UNC5D: variants seen among roughly 807,000 people sequenced by gnomAD.
UNC5D encodes the protein netrin receptor UNC5D.
A neutral mutation model predicts 105.4 loss-of-function variants in UNC5D; 39 were observed. The observed-to-expected ratio is 0.37, with a 90% CI of 0.29 to 0.48. The LOEUF (loss-of-function observed/expected upper bound fraction) is 0.48, where lower values mean the gene tolerates loss of function less well. Ranked by LOEUF, UNC5D falls within the 20% of genes least tolerant of loss-of-function variation. UNC5D has a pLI of 0.98. For synonymous variants in UNC5D, 452 were observed against 450.4 expected, an observed-to-expected ratio of 1.00 and a Z score of -0.04; for missense variants, 991 against 1,202.4, an observed-to-expected ratio of 0.82 and a Z score of 2.60.
intron 1 of UNC5D, among the ~76,000 whole-genome samples, chr8:35,388,682 C>T (rs1295187582): frequency 6.6e-6 from 1 of 152,154 alleles, no homozygotes; most frequent in South Asian, 2.1e-4. Flanking sequence ...TCAAACATAA[C>T]TTCTGTGTAA....
In UNC5D at chr8:35,629,702, A is replaced by G. The variant is rs80169154; in HGVS notation, c.570+34045A>G. ...ATCCCCCAAATCTATAATTTAAAAAACATAGATGAATTCCTAAGTCATTCT... is the reference window on the plus strand; with the variant it reads ...ATCCCCCAAATCTATAATTTAAAAAGCATAGATGAATTCCTAAGTCATTCT... On this transcript the variant is annotated intron_variant, in intron 4 of 16. Coordinates refer to ENST00000404895, the MANE Select transcript of UNC5D (RefSeq NM_080872.4). Among the ~76,000 whole-genome samples the G allele has an allele frequency of 7.9e-3, 1,211 of 152,346 alleles. 9 individuals carry two copies. Among genetic ancestry groups the G allele is most frequent in the Non-Finnish European group, 0.012 (821 of 68,028 alleles).
At chr8:35,685,538 G>C (rs1015556824) in intron 6 of UNC5D, among the ~76,000 whole-genome samples, 1 of 152,218 alleles carries the variant, frequency 6.6e-6, no homozygotes, top group Admixed American at 6.5e-5. Flanking sequence ...AGTTGCAATC[G>C]AAGTTAAGGT....
Position 35,493,059 on chromosome 8 carries a change from T to C in UNC5D, c.104-56233T>C, listed in dbSNP as rs576720918. On this transcript the variant is annotated intron_variant, in intron 1 of 16. Transcript: ENST00000404895. Reference sequence around the variant, plus strand: ...GTTTTCCTCAGTTCGACAAGGAAACTTGCAGAGAGAGTGCTTTGGGAGGAG... The same window carrying C: ...GTTTTCCTCAGTTCGACAAGGAAACCTGCAGAGAGAGTGCTTTGGGAGGAG... 6.6e-5 allele frequency among the ~76,000 whole-genome samples: 10 copies of C among 152,128 alleles called. No individual in the cohort carries two copies. In the South Asian group the frequency reaches 1.9e-3, roughly 28 times the overall value.
intron 1 of UNC5D, among the ~76,000 whole-genome samples, chr8:35,238,469 T>G (rs1563240720): frequency 6.6e-6 from 1 of 152,262 alleles, no homozygotes. Flanking sequence ...GAAGGCACTC[T>G]GGTGCCATGA....
intron 1 of UNC5D, among the ~76,000 whole-genome samples, chr8:35,529,849 CTGT>C (rs1158742340): frequency 2.7e-5 from 4 of 148,304 alleles, no homozygotes; most frequent in African/African-American, 1.0e-4. Context: ...GGCTGTTTGT[CTGT>C]TGTTGGTGTA....
intron 1 of UNC5D, among the ~76,000 whole-genome samples, chr8:35,527,514 G>A (rs1364042341): frequency 6.6e-6 from 1 of 152,036 alleles, no homozygotes; most frequent in Admixed American, 6.6e-5. Context: ...ATTAGGGAGA[G>A]CAGAATGAAA....
intron 4 of UNC5D, among the ~76,000 whole-genome samples, chr8:35,641,875 TG>T (rs1200141368): frequency 3.3e-5 from 5 of 152,192 alleles, no homozygotes; most frequent in Non-Finnish European, 7.3e-5. Flanking sequence ...TAAAAAGGGC[TG>T]GCACAATTAT....
chr8:35,512,465 C>CATATATATATATAT (rs780945660), intron 1 of UNC5D, among the ~76,000 whole-genome samples: 1 of 20,114 alleles, frequency 5.0e-5, no homozygotes, highest in Non-Finnish European at 8.7e-5. Flanking sequence ...AATAGTGAGC[C>CATATATATATATAT]ATATATATAT....
chr8:35,686,157 T>A (rs1386516556), intron 6 of UNC5D, among the ~76,000 whole-genome samples: 1 of 152,200 alleles, frequency 6.6e-6, no homozygotes, highest in Non-Finnish European at 1.5e-5. Flanking sequence ...TGTTCTAAAC[T>A]GTCAACCACT....
In UNC5D at chr8:35,473,291, A is replaced by G. The variant is rs114420600; in HGVS notation, c.104-76001A>G. 4.6e-3 allele frequency among the ~76,000 whole-genome samples: 700 copies of G among 152,266 alleles called. 8 individuals are homozygous for G. Among genetic ancestry groups the G allele is most frequent in the African/African-American group, 0.016 (671 of 41,568 alleles). On this transcript the variant is annotated intron_variant, in intron 1 of 16. Coordinates refer to ENST00000404895, the MANE Select transcript of UNC5D (RefSeq NM_080872.4). ...AGAAAAGAGACAGTTAAAAAAGGCT[A>G]TTGCAAATTAGCGAACTCAGATTTA...
intron 4 of UNC5D, among the ~76,000 whole-genome samples, chr8:35,625,884 C>G (rs1391913147): frequency 2.0e-5 from 3 of 152,040 alleles, no homozygotes; most frequent in Non-Finnish European, 4.4e-5. Flanking sequence ...ATCTAAAAAC[C>G]CTGTTGAAAG....
rs1226843956 is a variant in UNC5D at position 35,792,393 on chromosome 8, C to T, written c.*1830C>T. On this transcript the variant is annotated 3_prime_UTR_variant, in exon 17 of 17. Transcript: ENST00000404895. ...TTTGCTACATGTAATTCAAAAGCATCTCGCTTTTCTCAGGAACCAAAGGCT... is the reference window on the plus strand; with the variant it reads ...TTTGCTACATGTAATTCAAAAGCATTTCGCTTTTCTCAGGAACCAAAGGCT... The T allele has an allele frequency of 6.6e-6, 1 of 152,310 alleles. No individual in the cohort carries two copies. Among genetic ancestry groups the T allele is most frequent in the Non-Finnish European group, 1.5e-5 (1 of 68,200 alleles). 9.4% of individuals were successfully genotyped at this position (152,310 alleles called of 1,614,324 possible).
intron 1 of UNC5D, among the ~76,000 whole-genome samples, chr8:35,475,975 G>T (rs1384677754): frequency 6.6e-6 from 1 of 152,148 alleles, no homozygotes; most frequent in East Asian, 1.9e-4. Context: ...GAAATAAACA[G>T]TGAAGTTACT....
At chr8:35,552,180 C>A (rs1816206937) in intron 2 of UNC5D, among the ~76,000 whole-genome samples, 3 of 152,146 alleles carry the variant, frequency 2.0e-5, no homozygotes, top group Admixed American at 6.5e-5. Context: ...ATCCTAGAAT[C>A]TAAATGTAAG....
At chr8:35,696,282 A>ATTT (rs755876112) in intron 7 of UNC5D, among the ~76,000 whole-genome samples, 44 of 113,176 alleles carry the variant, frequency 3.9e-4, no homozygotes, top group Admixed American at 7.3e-4. Context: ...TCAATATTTA[A>ATTT]TTTTTTTTTT....
At chr8:35,360,341 G>A (rs1490911103) in intron 1 of UNC5D, among the ~76,000 whole-genome samples, 1 of 152,076 alleles carries the variant, frequency 6.6e-6, no homozygotes, top group Non-Finnish European at 1.5e-5. Context: ...TTTCATTTTT[G>A]TAGGGAGGGC....
intron 4 of UNC5D, among the ~76,000 whole-genome samples, chr8:35,611,175 A>G (rs1350644292): frequency 6.6e-6 from 1 of 152,130 alleles, no homozygotes; most frequent in African/African-American, 2.4e-5. Context: ...TGTTTGGGGA[A>G]CCAGACTAAA....
At position 35,610,123 on chromosome 8, in the gene UNC5D, G is replaced by GA. The variant is rs78870875; in HGVS notation, c.570+14477dup. Among the ~76,000 whole-genome samples, 1,080 of 143,482 alleles carry GA rather than the reference G, an allele frequency of 7.5e-3. 12 individuals are homozygous for GA. Among genetic ancestry groups the GA allele is most frequent in the African/African-American group, 0.024 (931 of 39,182 alleles). The allele number at this position is 143,482 out of a possible 152,430, so 94.1% of individuals were successfully genotyped here. On this transcript the variant is annotated intron_variant, in intron 4 of 16. Transcript: ENST00000404895. ...TATCTTCTGTTATCTCAATTAATTT[G>GA]AAAAAAAAAAAGTGCTATGAGATGC...
At chr8:35,402,360 G>A (rs1226741630) in intron 1 of UNC5D, among the ~76,000 whole-genome samples, 1 of 152,090 alleles carries the variant, frequency 6.6e-6, no homozygotes, top group Non-Finnish European at 1.5e-5. Context: ...GAGAGAATGA[G>A]AGCCAAATGA....
Sources: allele counts gnomAD v4.1 joint callset (sites outside exome capture counted in the v4.1 genomes callset), GRCh38; gene constraint gnomAD v4.1.1; transcripts MANE v1.5; gene names NCBI Gene and HGNC (gene_info 2026-07-23, HGNC 2026-07-21).